The following BLTP1 variants were observed in gnomAD, a reference collection of about 807,000 sequenced individuals.
BLTP1 encodes bridge-like lipid transfer protein family member 1, also known as fragile site-associated protein.
the BLTP1 span, among the ~76,000 whole-genome samples, chr4:122,307,005 T>C: frequency 1.3e-5 from 2 of 152,124 alleles, no homozygotes; most frequent in Admixed American, 6.6e-5. Flanking sequence ...TTTCATCAGC[T>C]TCTTAAAGTA....
the BLTP1 span, chr4:122,192,497 T>A: frequency 1.0e-5 from 7 of 694,838 alleles, no homozygotes; most frequent in Non-Finnish European, 1.6e-5. Flanking sequence ...GAGGAAGATA[T>A]CACTAAACAT....
chr4:122,343,717 G>A, the BLTP1 span: 3 of 1,229,510 alleles, frequency 2.4e-6, no homozygotes, highest in Non-Finnish European at 2.3e-6. Flanking sequence ...GATGCTTTTT[G>A]TATTTTTCCT....
the BLTP1 span, among the ~76,000 whole-genome samples, chr4:122,193,293 T>A: frequency 6.6e-6 from 1 of 152,152 alleles, no homozygotes; most frequent in Non-Finnish European, 1.5e-5. Flanking sequence ...ATATAGTATA[T>A]AATTTATATT....
chr4:122,220,547 T>G, the BLTP1 span: 12 of 1,229,344 alleles, frequency 9.8e-6, no homozygotes, highest in Non-Finnish European at 1.4e-5. Flanking sequence ...ATGTATTAGC[T>G]TCTGTGCATG....
the BLTP1 span, among the ~76,000 whole-genome samples, chr4:122,294,643 C>T: frequency 7.1e-3 from 1,083 of 152,166 alleles, 8 homozygotes; most frequent in African/African-American, 0.025. Context: ...TAGATATGCC[C>T]GCAAAGATGA....
chr4:122,325,180 A>AT, the BLTP1 span: 17 of 1,526,478 alleles, frequency 1.1e-5, no homozygotes, highest in Non-Finnish European at 1.3e-5. Context: ...AAGTCCAGGA[A>AT]TTTTTTTAAT....
At chr4:122,293,243 A>G in the BLTP1 span, 7 of 899,638 alleles carry the variant, frequency 7.8e-6, no homozygotes, top group African/African-American at 1.8e-5. Flanking sequence ...CAAAAGTAGG[A>G]CGGTAGAAGC....
At chr4:122,326,019 C>T in the BLTP1 span, 1 of 302,918 alleles carries the variant, frequency 3.3e-6, no homozygotes, top group Non-Finnish European at 6.9e-6. Context: ...TAACTTAGAC[C>T]TCAGAAATAT....
At chr4:122,318,829 T>C in the BLTP1 span, among the ~76,000 whole-genome samples, 1 of 152,228 alleles carries the variant, frequency 6.6e-6, no homozygotes, top group Non-Finnish European at 1.5e-5. Context: ...AAAGGTAACT[T>C]GTTAAGAGTT....
At chr4:122,244,626 A>C in the BLTP1 span, 1 of 983,614 alleles carries the variant, frequency 1.0e-6, no homozygotes, top group Non-Finnish European at 1.2e-6. Context: ...AGCGGTTGGG[A>C]AGAGAAAAGG....
At chr4:122,175,718 G>T in the BLTP1 span, 1 of 609,800 alleles carries the variant, frequency 1.6e-6, no homozygotes, top group Non-Finnish European at 2.9e-6. Context: ...GTGTGTTTAT[G>T]TATGCCAATG....
the BLTP1 span, chr4:122,190,097 G>T: frequency 8.1e-6 from 13 of 1,611,576 alleles, no homozygotes; most frequent in Non-Finnish European, 1.0e-5. Flanking sequence ...TGTTGTTGTT[G>T]TTGCTGTTTT....
At chr4:122,253,507 G>A in the BLTP1 span, among the ~76,000 whole-genome samples, 1 of 152,028 alleles carries the variant, frequency 6.6e-6, no homozygotes, top group Non-Finnish European at 1.5e-5. Context: ...AAGTGACATA[G>A]TGAAGAATGC....
At chr4:122,186,790 T>A in the BLTP1 span, among the ~76,000 whole-genome samples, 7 of 152,168 alleles carry the variant, frequency 4.6e-5, 1 homozygote, top group South Asian at 1.2e-3. Flanking sequence ...ACTGCCTGTT[T>A]TGTATATAGA....
the BLTP1 span, among the ~76,000 whole-genome samples, chr4:122,159,269 C>T: frequency 1.3e-5 from 2 of 152,164 alleles, no homozygotes; most frequent in East Asian, 3.9e-4. Flanking sequence ...CGAGACCATC[C>T]TGGCTAACAT....
chr4:122,197,587 G>GT, the BLTP1 span: 4,495 of 340,392 alleles, frequency 0.013, 90 homozygotes, highest in African/African-American at 0.058. Context: ...AGCAGGTGCT[G>GT]TTTTTTTTCT....
chr4:122,347,786 C>T, the BLTP1 span: 2 of 1,606,444 alleles, frequency 1.2e-6, no homozygotes, highest in Middle Eastern at 3.3e-4. Flanking sequence ...AGAGGTAACA[C>T]TGCTCTTTTT....
the BLTP1 span, chr4:122,315,606 A>G: frequency 1.2e-6 from 2 of 1,613,984 alleles, no homozygotes; most frequent in African/African-American, 2.7e-5. Flanking sequence ...GACATAGATG[A>G]CATTGCTGAC....
the BLTP1 span, among the ~76,000 whole-genome samples, chr4:122,159,433 G>A: frequency 6.6e-6 from 1 of 151,500 alleles, no homozygotes; most frequent in Non-Finnish European, 1.5e-5. Context: ...CTGCACTCCA[G>A]CCTGGGCAAC....
Sources: gnomAD v4.1 joint callset for allele counts (sites outside exome capture counted in the v4.1 genomes callset) on GRCh38, gnomAD v4.1.1 for gene constraint, MANE v1.5 for transcripts, NCBI Gene and HGNC (gene_info 2026-07-23, HGNC 2026-07-21) for gene names.